ABCA3: variants seen among roughly 807,000 people sequenced by gnomAD.
ABCA3 encodes ATP binding cassette subfamily A member 3.
ABCA3 carries 88 observed loss-of-function variants against 172.8 expected under a neutral mutation model. The ratio of observed to expected loss-of-function variants is 0.51; its 90% CI spans 0.43 to 0.61. The LOEUF (loss-of-function observed/expected upper bound fraction) is 0.61. ABCA3 is among the 20% of genes least tolerant of loss of function. The pLI is 0.00. For synonymous variants in ABCA3, 1,066 were observed against 983.8 expected, an observed-to-expected ratio of 1.08 and a Z score of -1.56; for missense variants, 2,164 against 2,301.0, an observed-to-expected ratio of 0.94 and a Z score of 1.22.
rs976333358 is a variant in ABCA3, at chr16:2,299,469, C to T, written c.1675G>A (p.Gly559Arg). The T allele has an allele frequency of 4.3e-6, 7 of 1,613,798 alleles. No homozygotes were observed. The highest frequency in any genetic ancestry group is 5.9e-6 in the Non-Finnish European group (7 of 1,180,002). Residue 559 changes from glycine to arginine, a missense_variant, in exon 14 of 33, where the codon GGA becomes AGA. Transcript: ENST00000301732. ...TGGCCCAGCAGGACGGTGATCTGTCCCTCGTACAGGTTGAGGTTCAGGTCT... is the reference window on the plus strand; with the variant it reads ...TGGCCCAGCAGGACGGTGATCTGTCTCTCGTACAGGTTGAGGTTCAGGTCT... ...VRDLNLNLYE[G>R]QITVLLGHNG... is the part of the protein sequence containing the mutation.
At chr16:2,327,291 C>G (rs2093735851) in intron 3 of ABCA3, among the ~76,000 whole-genome samples, 1 of 152,032 alleles carries the variant, frequency 6.6e-6, no homozygotes, top group Non-Finnish European at 1.5e-5. Context: ...TCTCGAACTC[C>G]TGGCCTCAAG....
chr16:2,299,255 C>T (rs1163238301), intron 14 of ABCA3, 148 bp downstream of exon 14: 5 of 1,202,866 alleles, frequency 4.2e-6, no homozygotes, highest in Non-Finnish European at 5.9e-6. Flanking sequence ...GCTTGTGCCC[C>T]TGGGCCTGCA....
intron 8 of ABCA3, among the ~76,000 whole-genome samples, 168 bp from the exon 9 acceptor site, chr16:2,317,932 G>A (rs2093719076): frequency 6.6e-6 from 1 of 152,238 alleles, no homozygotes; most frequent in African/African-American, 2.4e-5. Context: ...CTGGGCTCAA[G>A]TGATCTGCCT....
intron 7 of ABCA3, among the ~76,000 whole-genome samples, chr16:2,322,277 T>G (rs2093727288): frequency 6.6e-6 from 1 of 152,096 alleles, no homozygotes; most frequent in African/African-American, 2.4e-5. Flanking sequence ...GAAAGGGCCT[T>G]TGCTATCTTC....
In ABCA3 at chr16:2,281,520, A is replaced by G. The variant is rs752341930; in HGVS notation, c.4036-11T>C. 2 of 1,516,980 alleles carry G rather than the reference A, an allele frequency of 1.3e-6. No individual in the cohort carries two copies. The highest frequency in any genetic ancestry group is 2.8e-5 in the African/African-American group (2 of 71,136). 94.0% of individuals were successfully genotyped at this position (1,516,980 alleles called of 1,614,324 possible). On this transcript the variant is annotated splice_polypyrimidine_tract_variant and intron_variant, in intron 26 of 32. Coordinates refer to ENST00000301732, the MANE Select transcript of ABCA3 (RefSeq NM_001089.3). This position sits in a 1 kb window ranked among gnomAD's most constrained non-coding sequence, Gnocchi z 4.7. ...GGTGTATAATTCTGTCTGATTGACC[A>G]GGACAAAGACCGCATGCGTGAACCC...
rs750513658 is a variant in ABCA3, at chr16:2,277,926, T to C, written c.4862A>G (p.Gln1621Arg). 5 of 1,611,358 alleles carry C rather than the reference T, an allele frequency of 3.1e-6. No individual in the cohort carries two copies. In the East Asian group the frequency reaches 6.7e-5, roughly 22 times the overall value. ...LRAKVQSEGQQEALEEFKAFV... is the reference protein window; with the variant it reads ...LRAKVQSEGQREALEEFKAFV... ...GGCCTTGAACTCCTCCAGCGCCTCC[T>C]GTTGCCCTTCACTCTGCACCTTGGC... Residue 1621 changes from glutamine (Q) to arginine (R), a missense_variant, in exon 31 of 33, where the codon CAG becomes CGG. Physicochemically the swap from Gln to Arg is conservative, Grantham distance 43. Transcript: ENST00000301732. This position sits in a 1 kb window ranked among gnomAD's most constrained non-coding sequence, Gnocchi z 5.3.
rs768981301 is a variant in ABCA3 at position 2,299,446 on chromosome 16, G to A, written c.1698C>T (p.Gly566=). The change falls in exon 14 of 33, where the codon GGC becomes GGT. Residue 566 remains glycine (G), a synonymous_variant. Transcript: ENST00000301732. The part of the protein sequence containing the change: ...LYEGQITVLL[G]HNGAGKTTTL... ...TGGTGGTCTTCCCGGCACCGTTGTG[G>A]CCCAGCAGGACGGTGATCTGTCCCT... The A allele has an allele frequency of 2.5e-6, 4 of 1,613,768 alleles. No homozygotes were observed. The highest frequency in any genetic ancestry group is 3.4e-6 in the Non-Finnish European group (4 of 1,180,000).
At chr16:2,304,239 T>C (rs2093694037) in intron 11 of ABCA3, 89 bp from the exon 12 acceptor site, 2 of 1,433,030 alleles carry the variant, frequency 1.4e-6, no homozygotes, top group South Asian at 2.3e-5. Flanking sequence ...GTGTGCACAT[T>C]TGACCTTGCA....
Position 2,283,418 on chromosome 16 carries a change from T to G in ABCA3, c.3863-60A>C. ...TGGGGCACCCTCCTCCCCTTCCAGG[T>G]TCCCGGCCCCCACTCCCCTCCCCAG... On this transcript the variant is annotated intron_variant, in intron 25 of 32. Coordinates refer to ENST00000301732, the MANE Select transcript of ABCA3 (RefSeq NM_001089.3). This position sits in a 1 kb window ranked among gnomAD's most constrained non-coding sequence, Gnocchi z 5.4. 6.3e-7 allele frequency: 1 copy of G among 1,581,496 alleles called. No individual in the cohort carries two copies. The highest frequency in any genetic ancestry group is 8.6e-7 in the Non-Finnish European group (1 of 1,159,394).
chr16:2,334,827 GTTCT>G (rs2093749189), intron 1 of ABCA3, among the ~76,000 whole-genome samples: 1 of 147,166 alleles, frequency 6.8e-6, no homozygotes, highest in Admixed American at 6.8e-5. Context: ...TTAAATATTA[GTTCT>G]TTTTTTTTTT....
chr16:2,289,643 C>G, intron 19 of ABCA3, 23 bp from the exon 20 acceptor site: 2 of 1,545,106 alleles, frequency 1.3e-6, no homozygotes, highest in African/African-American at 1.4e-5. Context: ...ACACAGGGAC[C>G]GGTCAGGACC....
intron 19 of ABCA3, among the ~76,000 whole-genome samples, chr16:2,290,688 C>T (rs1013330257): frequency 6.6e-6 from 1 of 152,184 alleles, no homozygotes; most frequent in Non-Finnish European, 1.5e-5. Context: ...CACAGGTCAG[C>T]GGGCAGTCCC....
chr16:2,320,985 CT>C lies in ABCA3; in HGVS notation c.614-1146del, dbSNP rs368507865. ...AAGGTTTTCCCCAGTCTGCTATGTG[CT>C]TTTTTTTTTTTTTTTTTAAACCACC... On this transcript the variant is annotated intron_variant, in intron 7 of 32. Transcript: ENST00000301732. Among the ~76,000 whole-genome samples the C allele has an allele frequency of 8.5e-4, 115 of 135,964 alleles. 1 individual carries two copies. Among genetic ancestry groups the C allele is most frequent in the Middle Eastern group, 3.7e-3 (1 of 268 alleles). 89.2% of individuals were successfully genotyped at this position (135,964 alleles called of 152,430 possible). A position where few individuals can be genotyped will look rare whatever the true frequency, so the allele number is the denominator to read the frequency against.
In ABCA3 at chr16:2,304,118, G is replaced by T; in HGVS notation, c.1318C>A (p.Pro440Thr). 6.2e-7 allele frequency: 1 copy of T among 1,614,164 alleles called. No homozygotes were observed. Reference protein sequence around the residue: ...MGIQWRDLLSPVNVDDDFCFG... With the variant: ...MGIQWRDLLSTVNVDDDFCFG... ...CAGAAGTCGTCGTCCACGTTGACGG[G>T]ACTCAGGAGGTCTCGCCACTGGATG... Residue 440 changes from proline to threonine, a missense_variant, in exon 12 of 33, where the codon CCC becomes ACC. Around this residue, in one of 3 missense-constraint regions of ABCA3, gnomAD observed 1,343 missense variants for 1,369.6 expected, o/e 0.98. Transcript: ENST00000301732.
At chr16:2,292,314 C>G (rs1037476904) in intron 18 of ABCA3, 76 bp from the exon 19 acceptor site, 76 of 1,332,856 alleles carry the variant, frequency 5.7e-5, no homozygotes, top group Non-Finnish European at 7.9e-5. Flanking sequence ...CATCACCCCC[C>G]CTCGGCCAGG....
Position 2,289,483 on chromosome 16 carries a change from A to G in ABCA3, c.2651T>C (p.Ile884Thr). The change falls in exon 20 of 33, where the codon ATT (isoleucine) becomes ACT (threonine). Residue 884 changes from isoleucine to threonine, a missense_variant. By Grantham distance (89) the Ile-to-Thr change is moderately conservative. Around this residue, in one of 3 missense-constraint regions of ABCA3, gnomAD observed 1,343 missense variants for 1,369.6 expected, o/e 0.98. Coordinates refer to ENST00000301732, the MANE Select transcript of ABCA3 (RefSeq NM_001089.3). Reference protein sequence around the residue: ...LCGAMDPSDGIGALIEEERTA... With the variant: ...LCGAMDPSDGTGALIEEERTA... ...GCGCTCCTCCTCGATGAGGGCTCCA[A>G]TGCCGTCGGAGGGGTCCATGGCCCC... The G allele has an allele frequency of 1.3e-6, 2 of 1,594,780 alleles. No individual in the cohort carries two copies. Among genetic ancestry groups the G allele is most frequent in the Non-Finnish European group, 1.7e-6 (2 of 1,172,310 alleles).
chr16:2,335,801 C>T (rs529218529), intron 1 of ABCA3, among the ~76,000 whole-genome samples: 7 of 152,284 alleles, frequency 4.6e-5, no homozygotes, highest in Non-Finnish European at 1.0e-4. Flanking sequence ...ACTCAAGACC[C>T]TTAAATAGCG....
chr16:2,302,197 G>A (rs191021564), intron 12 of ABCA3, among the ~76,000 whole-genome samples: 4 of 152,186 alleles, frequency 2.6e-5, no homozygotes, highest in Non-Finnish European at 5.9e-5. Flanking sequence ...TGAAGGCTGT[G>A]AGACCCCTGA....
In ABCA3 at chr16:2,286,988, C is replaced by T. The variant is rs1555487623; in HGVS notation, c.3005-21G>A. ...GTCACCTGGGGAGCAATGGCAGAGT[C>T]AGGGGACACAGGAAGAGGTGACACC... On this transcript the variant is annotated intron_variant, in intron 21 of 32. Coordinates refer to ENST00000301732, the MANE Select transcript of ABCA3 (RefSeq NM_001089.3). The surrounding 1 kb of genome is among the most constrained non-coding windows in gnomAD (Gnocchi z 5.2). 6.2e-7 allele frequency: 1 copy of T among 1,608,032 alleles called. No homozygotes were observed. Among genetic ancestry groups the T allele is most frequent in the Non-Finnish European group, 8.5e-7 (1 of 1,177,842 alleles).
Sources: allele counts gnomAD v4.1 joint callset (sites outside exome capture counted in the v4.1 genomes callset), GRCh38; gene constraint gnomAD v4.1.1; regional missense constraint gnomAD v4.1.1; non-coding constraint Gnocchi (gnomAD v3.1); transcripts MANE v1.5; gene names NCBI Gene and HGNC (gene_info 2026-07-23, HGNC 2026-07-21).